Variants in PRIM2 observed in about 807,000 individuals in gnomAD.
PRIM2 encodes the protein DNA primase subunit 2, also known as DNA primase large subunit.
In PRIM2, 39 loss-of-function variants were observed where a neutral mutation model predicts 67.3. That is an observed-to-expected ratio of 0.58 (90% CI 0.45 to 0.76). The LOEUF is 0.76. Among genes scored for constraint, PRIM2 ranks in the 30% least tolerant of loss-of-function variants. The pLI, the probability that PRIM2 is intolerant of heterozygous loss-of-function variation, is 0.00. For synonymous variants in PRIM2, 143 were observed against 198.7 expected, an observed-to-expected ratio of 0.72 and a Z score of 2.36; for missense variants, 398 against 598.7, an observed-to-expected ratio of 0.66 and a Z score of 3.50.
chr6:57,626,958 G>C (rs1470952041), intron 12 of PRIM2, among the ~76,000 whole-genome samples: 10 of 151,774 alleles, frequency 6.6e-5, no homozygotes, highest in African/African-American at 2.4e-4. Flanking sequence ...CTTACTGGTG[G>C]ACTTTATTCA....
intron 7 of PRIM2, among the ~76,000 whole-genome samples, chr6:57,391,436 T>G (rs1471146511): frequency 6.6e-6 from 1 of 151,908 alleles, no homozygotes; most frequent in African/African-American, 2.4e-5. Context: ...ATGAAATTTT[T>G]GCCCATTCCT....
chr6:57,250,245 C>G, the PRIM2 span, among the ~76,000 whole-genome samples: 1 of 152,142 alleles, frequency 6.6e-6, no homozygotes, highest in Non-Finnish European at 1.5e-5. Context: ...CAATATGTGT[C>G]ATTTTTCTAG....
chr6:57,486,762 G>T (rs1167445114), intron 7 of PRIM2, among the ~76,000 whole-genome samples: 6 of 152,234 alleles, frequency 3.9e-5, no homozygotes, highest in Non-Finnish European at 5.9e-5. Flanking sequence ...AACTAGCATT[G>T]ACATAGGAAT....
At chr6:57,378,917 C>T (rs1317661062) in intron 5 of PRIM2, among the ~76,000 whole-genome samples, 1 of 150,824 alleles carries the variant, frequency 6.6e-6, no homozygotes, top group Admixed American at 6.6e-5. Flanking sequence ...ACATGTTGGA[C>T]ATTTAGTTTT....
chr6:57,243,757 G>C, the PRIM2 span, among the ~76,000 whole-genome samples: 1 of 152,182 alleles, frequency 6.6e-6, no homozygotes, highest in Non-Finnish European at 1.5e-5. Flanking sequence ...TTACAGGTGT[G>C]GGCCACAGCG....
rs199529502 is a variant in PRIM2, at chr6:57,447,627, C to G, written c.694-59760C>G. 1.3e-3 allele frequency among the ~76,000 whole-genome samples: 200 copies of G among 152,248 alleles called. 2 individuals are homozygous for G. In the East Asian group the frequency reaches 0.037, roughly 28 times the overall value. Reference sequence around the variant, plus strand: ...ATTAGGAGCATAGAAATAAACTTGACTAGGGTAAGATACCGTAATAGAAGG... The same window carrying G: ...ATTAGGAGCATAGAAATAAACTTGAGTAGGGTAAGATACCGTAATAGAAGG... On this transcript the variant is annotated intron_variant, in intron 7 of 13. Coordinates refer to ENST00000615550, the MANE Select transcript of PRIM2 (RefSeq NM_000947.5).
the PRIM2 span, among the ~76,000 whole-genome samples, chr6:57,292,671 C>T: frequency 6.6e-5 from 10 of 152,014 alleles, no homozygotes; most frequent in Non-Finnish European, 1.5e-5. Flanking sequence ...ATAGAGGCCT[C>T]CGAAATAACA....
intron 12 of PRIM2, among the ~76,000 whole-genome samples, chr6:57,611,115 A>G (rs1776658247): frequency 6.6e-6 from 1 of 152,230 alleles, no homozygotes; most frequent in African/African-American, 2.4e-5. Context: ...TACTGTAACT[A>G]GTAGGTCGAA....
chr6:57,250,359 A>T, the PRIM2 span, among the ~76,000 whole-genome samples: 3 of 152,232 alleles, frequency 2.0e-5, no homozygotes, highest in Non-Finnish European at 4.4e-5. Context: ...GGGTATAAAA[A>T]GTAAAATAAA....
chr6:57,291,798 C>G, the PRIM2 span, among the ~76,000 whole-genome samples: 3 of 152,130 alleles, frequency 2.0e-5, no homozygotes, highest in East Asian at 1.9e-4. Flanking sequence ...ATTCAACAGC[C>G]CTTCATCCTA....
At position 57,576,243 on chromosome 6, in the gene PRIM2, A is replaced by G. The variant is rs1184089652; in HGVS notation, c.1021-24850A>G. Among the ~76,000 whole-genome samples, 79 of 152,270 alleles carry G rather than the reference A, an allele frequency of 5.2e-4. 2 individuals carry two copies. The East Asian group carries it at 0.012, about 23-fold the overall frequency. On this transcript the variant is annotated intron_variant, in intron 10 of 13. Coordinates refer to ENST00000615550, the MANE Select transcript of PRIM2 (RefSeq NM_000947.5). ...ATATGAGAAATTTGTTAGGATATTT[A>G]AAGCATCTTCTAACCTTTAAAAATA...
chr6:57,448,549 G>C (rs1772434854), intron 7 of PRIM2, among the ~76,000 whole-genome samples: 1 of 152,062 alleles, frequency 6.6e-6, no homozygotes, highest in Non-Finnish European at 1.5e-5. Flanking sequence ...ATTTTAGGGA[G>C]ACAGGAGTTA....
chr6:57,367,518 A>G (rs942537372), intron 5 of PRIM2, among the ~76,000 whole-genome samples: 1 of 152,224 alleles, frequency 6.6e-6, no homozygotes, highest in Non-Finnish European at 1.5e-5. Flanking sequence ...AAAACTTAAA[A>G]TCAAAACTTA....
chr6:57,247,145 C>T, the PRIM2 span, among the ~76,000 whole-genome samples: 248 of 152,322 alleles, frequency 1.6e-3, no homozygotes, highest in Non-Finnish European at 2.6e-3. Context: ...TGAGCCACAC[C>T]GCGCCCGGCC....
chr6:57,286,398 A>G, the PRIM2 span, among the ~76,000 whole-genome samples: 2 of 152,226 alleles, frequency 1.3e-5, no homozygotes, highest in Admixed American at 1.3e-4. Flanking sequence ...TAGTACTGGT[A>G]CCAAAACAGA....
At chr6:57,509,114 A>G (rs1241941613) in intron 8 of PRIM2, among the ~76,000 whole-genome samples, 1 of 148,986 alleles carries the variant, frequency 6.7e-6, no homozygotes, top group South Asian at 2.1e-4. Flanking sequence ...TCCCCTCTCC[A>G]CTTTCCTTGC....
At chr6:57,590,824 A>C (rs1406517017) in intron 10 of PRIM2, among the ~76,000 whole-genome samples, 1 of 152,222 alleles carries the variant, frequency 6.6e-6, no homozygotes, top group African/African-American at 2.4e-5. Context: ...CGCTATACCA[A>C]GTACTTTGTG....
intron 8 of PRIM2, among the ~76,000 whole-genome samples, chr6:57,520,859 T>TA (rs1774601132): frequency 6.6e-6 from 1 of 152,194 alleles, no homozygotes. Context: ...AAGTAGCAGT[T>TA]GTACCATTTA....
At chr6:57,309,825 CTGT>C (rs1767349159), upstream of PRIM2, among the ~76,000 whole-genome samples, 1 of 152,220 alleles carries the variant, frequency 6.6e-6, no homozygotes. Flanking sequence ...TCTCTAGCAC[CTGT>C]TGTTTCCTGA....
Sources: gnomAD v4.1 joint callset for allele counts (sites outside exome capture counted in the v4.1 genomes callset) on GRCh38, gnomAD v4.1.1 for gene constraint, MANE v1.5 for transcripts, NCBI Gene and HGNC (gene_info 2026-07-23, HGNC 2026-07-21) for gene names.